The following LIAS variants were observed in gnomAD, a reference collection of about 807,000 sequenced individuals.
LIAS encodes lipoic acid synthetase.
In LIAS, 36 loss-of-function variants were observed where a neutral mutation model predicts 49.4. The ratio of observed to expected loss-of-function variants is 0.73; its 90% confidence interval spans 0.56 to 0.96. The LOEUF (loss-of-function observed/expected upper bound fraction) is 0.96. Ranked by LOEUF, LIAS falls within the 40% of genes least tolerant of loss-of-function variation. The probability of loss-of-function intolerance (pLI) is 0.00; values close to 1 mark genes in which losing one functional copy is unlikely to be tolerated. For missense variants in LIAS, 399 were observed against 456.3 expected (o/e 0.87, Z 1.14); for synonymous variants, 145 against 155.8 (o/e 0.93, Z 0.52).
chr4:39,474,727 C>G (rs879782797), intron 10 of LIAS, among the ~76,000 whole-genome samples: 4 of 151,824 alleles, frequency 2.6e-5, no homozygotes, highest in Non-Finnish European at 4.4e-5. Context: ...TCCTGAGTAG[C>G]TGGGACTACA....
In LIAS at chr4:39,459,106, C is replaced by T. The variant is rs1391242501; in HGVS notation, c.-12C>T. 9.9e-6 allele frequency: 16 copies of T among 1,614,116 alleles called. No homozygotes were observed. In the East Asian group the frequency reaches 2.9e-4, roughly 29 times the overall value. The stretch of plus-strand genomic sequence containing the variant: ...CCCTCAACCCCTGCACTGCGCTAGT[C>T]CTAAAGAGGAAATGTCTCTACGCTG... On this transcript the variant is annotated 5_prime_UTR_variant, in exon 1 of 11. Transcript: ENST00000640888.
At chr4:39,465,668 A>AT (rs33977702) in intron 6 of LIAS, among the ~76,000 whole-genome samples, 65,294 of 146,196 alleles carry the variant, frequency 0.45, 15,815 homozygotes, top group South Asian at 0.62. Context: ...CTTAGTAATG[A>AT]TTTTTTTTTT....
At position 39,467,518 on chromosome 4, in the gene LIAS, G is replaced by A; in HGVS notation, c.609G>A (p.Arg203=). The change falls in exon 7 of 11, where the codon AGG becomes AGA. Residue 203 remains arginine (R), a splice_region_variant and synonymous_variant. Coordinates refer to ENST00000640888, the MANE Select transcript of LIAS (RefSeq NM_006859.4). ...IAKTVSYLKE[R]NPKILVECLT... is the part of the protein sequence containing the mutation. The stretch of plus-strand genomic sequence containing the variant: ...TGATAATTCTCTCTTTTCCCCTTAG[G>A]AATCCAAAAATCCTTGTGGAGTGTC... The A allele has an allele frequency of 6.3e-7, 1 of 1,585,242 alleles. No homozygotes were observed. The highest frequency in any genetic ancestry group is 1.4e-5 in the African/African-American group (1 of 73,768).
Position 39,477,246 on chromosome 4 carries a change from T to A in LIAS, c.*131T>A. The A allele has an allele frequency of 1.5e-6, 1 of 684,292 alleles. No individual in the cohort carries two copies. Among genetic ancestry groups the A allele is most frequent in the Non-Finnish European group, 2.5e-6 (1 of 400,848 alleles). The allele number at this position is 684,292 out of a possible 1,614,324, so 42.4% of individuals were successfully genotyped here. On this transcript the variant is annotated 3_prime_UTR_variant, in exon 11 of 11. Coordinates refer to ENST00000640888, the MANE Select transcript of LIAS (RefSeq NM_006859.4). The stretch of plus-strand genomic sequence containing the variant: ...CTTTGCTTAAAAAAAAAAATGTCAA[T>A]AGCCAGGCATAGTGGCTCACGCCTG...
chr4:39,460,815 C>T lies in LIAS; in HGVS notation c.71C>T (p.Pro24Leu). ...PRVFGRYFCS[P>L]VRPLSSLPDK... Reference sequence around the variant, plus strand: ...GTATTTGGGAGATATTTTTGCAGCCCAGTCAGACCGTTAAGCTCCTTGCCA... The same window carrying T: ...GTATTTGGGAGATATTTTTGCAGCCTAGTCAGACCGTTAAGCTCCTTGCCA... The change falls in exon 2 of 11, where the codon CCA becomes CTA. Residue 24 changes from proline (P) to leucine (L), a missense_variant. Transcript: ENST00000640888. The T allele has an allele frequency of 1.9e-6, 3 of 1,587,002 alleles. No individual in the cohort carries two copies. The highest frequency in any genetic ancestry group is 2.6e-6 in the Non-Finnish European group (3 of 1,170,316).
Position 39,465,078 on chromosome 4 carries a change from A to T in LIAS, c.426A>T (p.Arg142Ser). The change falls in exon 5 of 11, where the codon AGA becomes AGT. Residue 142 changes from arginine to serine, a missense_variant. Around this residue, in one of 3 missense-constraint regions of LIAS, gnomAD observed 234 missense variants for 292.2 expected, o/e 0.80. Coordinates refer to ENST00000640888, the MANE Select transcript of LIAS (RefSeq NM_006859.4). Reference protein sequence around the residue: ...LMGDTCTRGCRFCSVKTARNP... With the variant: ...LMGDTCTRGCSFCSVKTARNP... ...GTGACACATGTACAAGAGGTTGCAG[A>T]TTTTGTTCTGTTAAGACTGCAAGAA... The T allele has an allele frequency of 6.2e-7, 1 of 1,614,096 alleles. No individual in the cohort carries two copies. The highest frequency in any genetic ancestry group is 8.5e-7 in the Non-Finnish European group (1 of 1,179,990).
chr4:39,459,892 G>A (rs1744366160), intron 1 of LIAS, among the ~76,000 whole-genome samples: 1 of 151,954 alleles, frequency 6.6e-6, no homozygotes, highest in Non-Finnish European at 1.5e-5. Context: ...CCCGCGAGGC[G>A]GAGGTTGCAG....
chr4:39,472,523 G>C (rs1451593957), intron 9 of LIAS, among the ~76,000 whole-genome samples: 1 of 152,176 alleles, frequency 6.6e-6, no homozygotes, highest in Non-Finnish European at 1.5e-5. Flanking sequence ...TGAACCTAGA[G>C]AAAAAGAATT....
intron 7 of LIAS, chr4:39,468,502 A>AAAAAATATATAT (rs140159831): frequency 1.0e-3 from 128 of 125,112 alleles, no homozygotes; most frequent in African/African-American, 3.5e-3. Context: ...GGAAAAAAAA[A>AAAAAATATATAT]ATATATATAT....
At chr4:39,465,653 GTCT>G (rs1744727102) in intron 6 of LIAS, among the ~76,000 whole-genome samples, 1 of 145,788 alleles carries the variant, frequency 6.9e-6, no homozygotes, top group Non-Finnish European at 1.5e-5. Context: ...TATAAACCTG[GTCT>G]TCTTAGTAAT....
At chr4:39,460,694 T>C in intron 1 of LIAS, 96 bp from the exon 2 acceptor site, 1 of 954,956 alleles carries the variant, frequency 1.0e-6, no homozygotes, top group Non-Finnish European at 1.5e-6. Flanking sequence ...TGAATCACTT[T>C]TTTGGCTTTA....
chr4:39,473,462 C>A, intron 10 of LIAS: 1 of 304,750 alleles, frequency 3.3e-6, no homozygotes, highest in South Asian at 1.0e-4. Flanking sequence ...ATAGTAAAAG[C>A]AGAAACAATT....
chr4:39,467,677 G>A, intron 7 of LIAS, 31 bp downstream of exon 7: 1 of 1,479,710 alleles, frequency 6.8e-7, no homozygotes, highest in Non-Finnish European at 9.1e-7. Flanking sequence ...ATGTTGGGAA[G>A]TTAGGCGGGT....
chr4:39,459,630 G>A (rs1744340787), intron 1 of LIAS, among the ~76,000 whole-genome samples: 2 of 152,180 alleles, frequency 1.3e-5, no homozygotes, highest in African/African-American at 4.8e-5. Flanking sequence ...GTGCAGACTC[G>A]TGGATTTTGT....
intron 7 of LIAS, 115 bp downstream of exon 7, chr4:39,467,761 C>G: frequency 9.0e-7 from 1 of 1,113,580 alleles, no homozygotes; most frequent in Non-Finnish European, 1.2e-6. Flanking sequence ...AAACTCTATT[C>G]TTTTTTGTTT....
chr4:39,467,657 G>T lies in LIAS; in HGVS notation c.737+11G>T, dbSNP rs760672937. The T allele has an allele frequency of 1.3e-6, 2 of 1,530,066 alleles. No individual in the cohort carries two copies. The highest frequency in any genetic ancestry group is 2.5e-5 in the South Asian group (2 of 78,890). 94.8% of individuals were successfully genotyped at this position (1,530,066 alleles called of 1,614,324 possible). A position where few individuals can be genotyped will look rare whatever the true frequency, so the allele number is the denominator to read the frequency against. Reference sequence around the variant, plus strand: ...CCCGGAATTACAGAGGTGAATACGTGTACAAAGTAATGTTGGGAAGTTAGG... The same window carrying T: ...CCCGGAATTACAGAGGTGAATACGTTTACAAAGTAATGTTGGGAAGTTAGG... On this transcript the variant is annotated intron_variant, in intron 7 of 10. Coordinates refer to ENST00000640888, the MANE Select transcript of LIAS (RefSeq NM_006859.4).
At chr4:39,459,337 A>G in intron 1 of LIAS, 175 bp downstream of exon 1, 2 of 624,850 alleles carry the variant, frequency 3.2e-6, no homozygotes, top group Non-Finnish European at 5.6e-6. Flanking sequence ...CCCATGATAT[A>G]GAGTCTCTGG....
intron 9 of LIAS, among the ~76,000 whole-genome samples, chr4:39,472,586 TTGTTA>T (rs1431373342): frequency 6.6e-6 from 1 of 152,214 alleles, no homozygotes; most frequent in East Asian, 1.9e-4. Context: ...TAACTTGTTT[TTGTTA>T]TGTTAGAGCC....
intron 6 of LIAS, 48 bp downstream of exon 6, chr4:39,465,390 A>G (rs758764414): frequency 1.3e-6 from 2 of 1,522,496 alleles, no homozygotes; most frequent in Non-Finnish European, 1.8e-6. Flanking sequence ...TTGGACCCAT[A>G]TGAGTTAAGT....
Sources: gnomAD v4.1 joint callset for allele counts (sites outside exome capture counted in the v4.1 genomes callset) on GRCh38, gnomAD v4.1.1 for gene constraint, gnomAD v4.1.1 regional missense constraint, MANE v1.5 for transcripts, NCBI Gene and HGNC (gene_info 2026-07-23, HGNC 2026-07-21) for gene names.